SLC8A1: variants seen among roughly 807,000 people sequenced by gnomAD.
The protein encoded by SLC8A1 is solute carrier family 8 member A1.
SLC8A1 carries 18 observed loss-of-function variants against 68.3 expected under a neutral mutation model. The ratio of observed to expected loss-of-function variants is 0.26; its 90% CI spans 0.18 to 0.39. The LOEUF is 0.39. Ranked by LOEUF, SLC8A1 falls within the 10% of genes least tolerant of loss-of-function variation. SLC8A1 has a pLI of 1.00. For missense variants in SLC8A1, 985 were observed against 1,156.7 expected (o/e 0.85, Z 2.15); for synonymous variants, 475 against 415.5 (o/e 1.14, Z -1.74).
exon 8 of SLC8A1, chr2:40,107,907 A>G (rs1199910965): frequency 6.6e-6 from 1 of 152,224 alleles, no homozygotes; most frequent in Non-Finnish European, 1.5e-5. Flanking sequence ...ACCAGTTGGA[A>G]TGGAAACTTT....
At chr2:40,399,443 G>A (rs1358527858) in intron 2 of SLC8A1, among the ~76,000 whole-genome samples, 1 of 152,098 alleles carries the variant, frequency 6.6e-6, no homozygotes, top group Non-Finnish European at 1.5e-5. Flanking sequence ...GCTTAGGCTA[G>A]GCTCTTAGGA....
At chr2:40,207,336 C>T (rs1315801540) in intron 2 of SLC8A1, among the ~76,000 whole-genome samples, 1 of 151,940 alleles carries the variant, frequency 6.6e-6, no homozygotes, top group East Asian at 1.9e-4. Context: ...TGATTTTATC[C>T]TTTTACATGA....
intron 2 of SLC8A1, among the ~76,000 whole-genome samples, chr2:40,234,508 A>G (rs941281484): frequency 4.6e-5 from 7 of 151,606 alleles, no homozygotes; most frequent in South Asian, 4.2e-4. Flanking sequence ...GGCTGAGACA[A>G]TGGGGTTTTC....
intron 2 of SLC8A1, among the ~76,000 whole-genome samples, chr2:40,321,712 C>T (rs954319688): frequency 6.6e-6 from 1 of 152,014 alleles, no homozygotes; most frequent in East Asian, 1.9e-4. Context: ...CTCACTATCA[C>T]AAGAACAGCA....
At chr2:40,119,146 C>A (rs907138473) in intron 7 of SLC8A1, among the ~76,000 whole-genome samples, 10 of 152,126 alleles carry the variant, frequency 6.6e-5, no homozygotes, top group African/African-American at 2.4e-4. Context: ...AGGATTCTTA[C>A]TTGTAATAAT....
At chr2:40,396,712 A>C (rs925458868) in intron 2 of SLC8A1, among the ~76,000 whole-genome samples, 1 of 146,536 alleles carries the variant, frequency 6.8e-6, no homozygotes, top group South Asian at 2.2e-4. Context: ...ATCTTTGTTA[A>C]GCAGCATCCT....
At chr2:40,415,957 G>A (rs979852713) in intron 2 of SLC8A1, among the ~76,000 whole-genome samples, 2 of 150,372 alleles carry the variant, frequency 1.3e-5, no homozygotes, top group East Asian at 3.9e-4. Context: ...AGCTACTTAG[G>A]AGGCTGAGGC....
intron 2 of SLC8A1, among the ~76,000 whole-genome samples, chr2:40,235,591 C>G (rs1182638414): frequency 6.6e-6 from 1 of 151,918 alleles, no homozygotes; most frequent in African/African-American, 2.4e-5. Context: ...TTTGGTGTCT[C>G]TATTTCCTTC....
At chr2:40,257,189 C>T (rs1022646511) in intron 2 of SLC8A1, among the ~76,000 whole-genome samples, 3 of 152,124 alleles carry the variant, frequency 2.0e-5, no homozygotes, top group Admixed American at 1.3e-4. Context: ...AAATCATTTT[C>T]AGATCTTAGC....
At chr2:40,263,012 ACTT>A (rs1249815470) in intron 2 of SLC8A1, among the ~76,000 whole-genome samples, 1 of 152,234 alleles carries the variant, frequency 6.6e-6, no homozygotes, top group Non-Finnish European at 1.5e-5. Context: ...CATTGAAATA[ACTT>A]CATGACATGG....
intron 7 of SLC8A1, chr2:40,123,104 A>C (rs898988991): frequency 1.3e-5 from 2 of 152,216 alleles, no homozygotes; most frequent in African/African-American, 2.4e-5. Flanking sequence ...ACTCCACTAC[A>C]CACACCTAGA....
rs1367880889 is a variant in SLC8A1 at position 40,160,871 on chromosome 2, A to G, written c.2062-7T>C. 1 of 1,606,648 alleles carries G rather than the reference A, an allele frequency of 6.2e-7. No individual in the cohort carries two copies. Among genetic ancestry groups the G allele is most frequent in the East Asian group, 2.2e-5 (1 of 44,836 alleles). On this transcript the variant is annotated splice_region_variant and splice_polypyrimidine_tract_variant and intron_variant, in intron 5 of 7. Coordinates refer to ENST00000406785, the Ensembl canonical transcript of SLC8A1. The stretch of plus-strand genomic sequence containing the variant: ...TGAGTTTGTCCACAGTACTCTAGAA[A>G]TGTTGAAAAGAAAAATATAAATGCT...
intron 2 of SLC8A1, among the ~76,000 whole-genome samples, chr2:40,316,415 A>G (rs2149324671): frequency 6.6e-6 from 1 of 152,170 alleles, no homozygotes; most frequent in East Asian, 1.9e-4. Context: ...ATTTTTTCCT[A>G]TTAATTTGAA....
chr2:40,425,860 G>A (rs1195769431), intron 2 of SLC8A1, among the ~76,000 whole-genome samples: 1 of 151,858 alleles, frequency 6.6e-6, no homozygotes, highest in Non-Finnish European at 1.5e-5. Flanking sequence ...ATTTGACCCA[G>A]CAATCCCATT....
At chr2:40,196,426 T>C (rs1249430830) in intron 2 of SLC8A1, among the ~76,000 whole-genome samples, 1 of 151,970 alleles carries the variant, frequency 6.6e-6, no homozygotes, top group East Asian at 1.9e-4. Flanking sequence ...GTCCTCAGTT[T>C]TATGGAAGGA....
Position 40,108,557 on chromosome 2 carries a change from C to A in SLC8A1, c.*6696G>T, listed in dbSNP as rs186698078. 1.4e-4 allele frequency: 22 copies of A among 152,292 alleles called. No homozygotes were observed. In the East Asian group the frequency reaches 4.2e-3, roughly 29 times the overall value. The allele number at this position is 152,292 out of a possible 1,614,324, so 9.4% of individuals were successfully genotyped here. A position where few individuals can be genotyped will look rare whatever the true frequency, so the allele number is the denominator to read the frequency against. On this transcript the variant is annotated 3_prime_UTR_variant, in exon 8 of 8. Transcript: ENST00000406785. ...CATGAGCATTATTTGAATGTACAATCTTTCAAGATTTCTTCCTTGGAGTAT... is the reference window on the plus strand; with the variant it reads ...CATGAGCATTATTTGAATGTACAATATTTCAAGATTTCTTCCTTGGAGTAT...
At chr2:40,240,291 A>T (rs2061040052) in intron 2 of SLC8A1, among the ~76,000 whole-genome samples, 1 of 151,916 alleles carries the variant, frequency 6.6e-6, no homozygotes, top group Non-Finnish European at 1.5e-5. Context: ...GGAGCGGAGG[A>T]CTCCCCAGGC....
chr2:40,454,381 G>C (rs988634897), upstream of SLC8A1, among the ~76,000 whole-genome samples: 7 of 151,594 alleles, frequency 4.6e-5, no homozygotes, highest in African/African-American at 1.7e-4. Context: ...TGAAAGCTGA[G>C]ATTTTCTTGA....
At chr2:40,161,080 CA>C (rs2045593190) in intron 5 of SLC8A1, among the ~76,000 whole-genome samples, 1 of 152,108 alleles carries the variant, frequency 6.6e-6, no homozygotes, top group African/African-American at 2.4e-5. Context: ...GTAGCAAATA[CA>C]AGTCTCCTTC....
Sources: allele counts gnomAD v4.1 joint callset (sites outside exome capture counted in the v4.1 genomes callset), GRCh38; gene constraint gnomAD v4.1.1; transcripts MANE v1.5; gene names NCBI Gene and HGNC (gene_info 2026-07-23, HGNC 2026-07-21).